Variants in USO1 observed in about 807,000 individuals in gnomAD.
USO1 encodes the protein general vesicular transport factor p115.
A neutral mutation model predicts 124.5 loss-of-function variants in USO1; 57 were observed. The ratio of observed to expected loss-of-function variants is 0.46; its 90% CI spans 0.37 to 0.57. The LOEUF is 0.57. Among genes scored for constraint, USO1 ranks in the 20% least tolerant of loss-of-function variants. USO1 has a pLI of 0.00. For missense variants in USO1, 900 were observed against 1,040.6 expected (o/e 0.86, Z 1.86); for synonymous variants, 369 against 362.8 (o/e 1.02, Z -0.19).
chr4:75,794,013 T>A, intron 13 of USO1, 112 bp downstream of exon 13: 1 of 1,439,936 alleles, frequency 6.9e-7, no homozygotes, highest in Non-Finnish European at 9.2e-7. Context: ...ACTTATTCTG[T>A]TTATTAGTTC....
In USO1 at chr4:75,724,755, G is replaced by A. The variant is rs935200124; in HGVS notation, c.-65G>A. On this transcript the variant is annotated 5_prime_UTR_variant, in exon 1 of 24. Transcript: ENST00000514213. ...GGGATTGGGGCCCAGGCCCTGCGGA[G>A]GGCGGGGGAAGTTGTCTTCTTTTTT... 22 of 1,563,672 alleles carry A rather than the reference G, an allele frequency of 1.4e-5. No homozygotes were observed. Among genetic ancestry groups the A allele is most frequent in the South Asian group, 6.8e-5 (6 of 88,456 alleles).
intron 16 of USO1, 130 bp downstream of exon 16, chr4:75,800,929 A>C: frequency 7.0e-7 from 1 of 1,420,796 alleles, no homozygotes; most frequent in Non-Finnish European, 9.3e-7. Flanking sequence ...CTTGATCTGT[A>C]GCCCATTGAA....
chr4:75,732,705 C>T (rs752584768), intron 1 of USO1, among the ~76,000 whole-genome samples: 21 of 150,770 alleles, frequency 1.4e-4, no homozygotes, highest in Non-Finnish European at 3.0e-4. Flanking sequence ...GGTGAAACCC[C>T]GTCTCTACTA....
chr4:75,731,015 G>A (rs921975078), intron 1 of USO1, among the ~76,000 whole-genome samples: 5 of 152,122 alleles, frequency 3.3e-5, no homozygotes, highest in African/African-American at 1.2e-4. Flanking sequence ...TGCTTAAAAC[G>A]ATGTCCTTTT....
chr4:75,801,236 C>T lies in USO1; in HGVS notation c.1986+36C>T, dbSNP rs376559238. 23 of 1,504,358 alleles carry T rather than the reference C, an allele frequency of 1.5e-5. No individual in the cohort carries two copies. The African/African-American group carries it at 3.3e-4, about 21-fold the overall frequency. The allele number at this position is 1,504,358 out of a possible 1,614,324, so 93.2% of individuals were successfully genotyped here. A position where few individuals can be genotyped will look rare whatever the true frequency, so the allele number is the denominator to read the frequency against. ...ATGAACTGTATATACCCTCTGATTACCAATAGGCACTTTCTGCTTTAAGGG... is the reference window on the plus strand; with the variant it reads ...ATGAACTGTATATACCCTCTGATTATCAATAGGCACTTTCTGCTTTAAGGG... On this transcript the variant is annotated intron_variant, in intron 17 of 23. Transcript: ENST00000514213.
chr4:75,748,211 CTTT>C (rs71208096), intron 1 of USO1, among the ~76,000 whole-genome samples: 3 of 124,138 alleles, frequency 2.4e-5, no homozygotes, highest in Non-Finnish European at 3.3e-5. Context: ...GCTGGTATTT[CTTT>C]TTTTTTTTTT....
chr4:75,762,954 C>T (rs116644776), intron 4 of USO1, among the ~76,000 whole-genome samples: 1 of 152,104 alleles, frequency 6.6e-6, no homozygotes, highest in Non-Finnish European at 1.5e-5. Flanking sequence ...AAAAAGTATA[C>T]ATGTACCTGT....
intron 3 of USO1, among the ~76,000 whole-genome samples, chr4:75,753,128 G>T (rs1209963068): frequency 1.3e-5 from 2 of 152,146 alleles, no homozygotes; most frequent in Non-Finnish European, 1.5e-5. Flanking sequence ...CCTGTCGTAA[G>T]AGAAAGATTG....
In USO1 at chr4:75,804,136, T is replaced by C. The variant is rs778003931; in HGVS notation, c.1989T>C (p.Asp663=). ...THYKNMIREQ[D]LQLEELRQQV... ...ATGAATTATGTTTTGTTTCACAGGATCTCCAACTTGAGGAATTAAGGCAGC... is the reference window on the plus strand; with the variant it reads ...ATGAATTATGTTTTGTTTCACAGGACCTCCAACTTGAGGAATTAAGGCAGC... Residue 663 remains aspartate, a splice_region_variant and synonymous_variant, in exon 18 of 24, where the codon GAT becomes GAC. Coordinates refer to ENST00000514213, the MANE Select transcript of USO1 (RefSeq NM_003715.4). 90 of 1,612,642 alleles carry C rather than the reference T, an allele frequency of 5.6e-5. No homozygotes were observed. Among genetic ancestry groups the C allele is most frequent in the Non-Finnish European group, 7.5e-5 (89 of 1,179,438 alleles).
intron 1 of USO1, among the ~76,000 whole-genome samples, chr4:75,734,989 A>G (rs1018261783): frequency 2.0e-5 from 3 of 152,056 alleles, no homozygotes; most frequent in African/African-American, 7.2e-5. Flanking sequence ...TCAGCCTCCC[A>G]AAGTGCTGGG....
At position 75,805,219 on chromosome 4, in the gene USO1, G is replaced by A; in HGVS notation, c.2205G>A (p.Leu735=). The A allele has an allele frequency of 6.2e-7, 1 of 1,613,336 alleles. No homozygotes were observed. Among genetic ancestry groups the A allele is most frequent in the Non-Finnish European group, 8.5e-7 (1 of 1,179,558 alleles). ...NGIQPEEIGR[L]REEIEELKRN... ...TTCAGCCAGAAGAAATTGGTAGATT[G>A]CGAGAAGAGATAGAAGAATTAAAAC... is the stretch of plus-strand genomic sequence containing the variant. The change falls in exon 19 of 24, where the codon TTG becomes TTA. Residue 735 remains leucine (L), a synonymous_variant. Transcript: ENST00000514213.
intron 10 of USO1, 74 bp downstream of exon 10, chr4:75,787,276 T>C: frequency 7.3e-7 from 1 of 1,365,444 alleles, no homozygotes; most frequent in Admixed American, 3.0e-5. Flanking sequence ...AGATATTTGT[T>C]GAAGGAAAAA....
intron 1 of USO1, among the ~76,000 whole-genome samples, chr4:75,734,421 A>G (rs550037320): frequency 1.1e-4 from 17 of 152,108 alleles, no homozygotes; most frequent in Admixed American, 7.2e-4. Context: ...GTTACTGTCA[A>G]TTTTGTCAAA....
intron 13 of USO1, among the ~76,000 whole-genome samples, chr4:75,795,617 T>C (rs1359905877): frequency 1.3e-5 from 2 of 152,190 alleles, no homozygotes; most frequent in Non-Finnish European, 2.9e-5. Context: ...GCTTGCACTT[T>C]CTGGATTTCC....
At chr4:75,753,384 A>G (rs922554557) in intron 3 of USO1, among the ~76,000 whole-genome samples, 1 of 150,168 alleles carries the variant, frequency 6.7e-6, no homozygotes, top group African/African-American at 2.5e-5. Context: ...AATAACAAAA[A>G]TTAGCCAGGC....
intron 4 of USO1, among the ~76,000 whole-genome samples, chr4:75,763,955 C>A (rs1008781349): frequency 1.4e-4 from 22 of 152,068 alleles, no homozygotes; most frequent in Non-Finnish European, 4.4e-5. Context: ...ACCTTAATTG[C>A]TTAGCTAATT....
intron 4 of USO1, 55 bp downstream of exon 4, chr4:75,757,628 T>C (rs1246394824): frequency 1.5e-6 from 2 of 1,326,170 alleles, no homozygotes; most frequent in African/African-American, 3.1e-5. Context: ...AACTGGGTTG[T>C]GCTAATTTTG....
rs900410556 is a variant in USO1, at chr4:75,810,590, C to G, written c.2583+51C>G. The G allele has an allele frequency of 1.5e-5, 23 of 1,507,048 alleles. No homozygotes were observed. The Middle Eastern group carries it at 5.2e-4, about 34-fold the overall frequency. The allele number at this position is 1,507,048 out of a possible 1,614,324, so 93.4% of individuals were successfully genotyped here. On this transcript the variant is annotated intron_variant, in intron 22 of 23. Coordinates refer to ENST00000514213, the MANE Select transcript of USO1 (RefSeq NM_003715.4). ...TACTGCATATGATATGAAATGAACT[C>G]TAGGAAATTTTATATATCTTTCAAA...
At chr4:75,784,618 A>AC (rs1272145661) in intron 9 of USO1, among the ~76,000 whole-genome samples, 1 of 151,986 alleles carries the variant, frequency 6.6e-6, no homozygotes, top group Non-Finnish European at 1.5e-5. Flanking sequence ...GGAGTTTGAG[A>AC]CCAACCTAGG....
Sources: allele counts gnomAD v4.1 joint callset (sites outside exome capture counted in the v4.1 genomes callset), GRCh38; gene constraint gnomAD v4.1.1; transcripts MANE v1.5; gene names NCBI Gene and HGNC (gene_info 2026-07-23, HGNC 2026-07-21).